WWOX: variants seen among roughly 807,000 people sequenced by gnomAD.
The protein encoded by WWOX is WW domain containing oxidoreductase.
WWOX carries 69 observed loss-of-function variants against 46.2 expected under a neutral mutation model. The observed-to-expected ratio is 1.49, with a 90% CI of 1.23 to 1.82. WWOX has a LOEUF of 1.82. WWOX is among the 40% of genes most tolerant of loss of function. WWOX has a pLI of 0.00. For missense variants in WWOX, 919 were observed against 542.6 expected (o/e 1.69, Z -6.89); for synonymous variants, 359 against 202.6 (o/e 1.77, Z -6.56).
chr16:78,819,366 C>T (rs1415068923), intron 8 of WWOX, among the ~76,000 whole-genome samples: 1 of 152,220 alleles, frequency 6.6e-6, no homozygotes, highest in African/African-American at 2.4e-5. Context: ...TTTCCATGAG[C>T]TGTGTCCGCC....
intron 8 of WWOX, among the ~76,000 whole-genome samples, chr16:79,104,622 T>C (rs1373681179): frequency 6.6e-6 from 1 of 152,190 alleles, no homozygotes; most frequent in Admixed American, 6.5e-5. Context: ...GATGCACATA[T>C]GTATGTCACC....
chr16:79,036,920 G>A (rs1266531490), intron 8 of WWOX, among the ~76,000 whole-genome samples: 1 of 152,184 alleles, frequency 6.6e-6, no homozygotes, highest in Non-Finnish European at 1.5e-5. Flanking sequence ...AAGTGGTTCT[G>A]AAGATACGTA....
intron 8 of WWOX, among the ~76,000 whole-genome samples, chr16:78,974,507 C>T (rs1008272204): frequency 6.6e-6 from 1 of 152,192 alleles, no homozygotes; most frequent in African/African-American, 2.4e-5. Flanking sequence ...TGTGATGAAT[C>T]CGTCTCTGTT....
At chr16:78,230,936 T>C (rs1467320921) in intron 5 of WWOX, among the ~76,000 whole-genome samples, 1 of 152,246 alleles carries the variant, frequency 6.6e-6, no homozygotes, top group Non-Finnish European at 1.5e-5. Context: ...GAAACTCCCA[T>C]GATTGCTTTG....
At chr16:79,054,520 C>A (rs2048226890) in intron 8 of WWOX, among the ~76,000 whole-genome samples, 1 of 152,118 alleles carries the variant, frequency 6.6e-6, no homozygotes, top group Non-Finnish European at 1.5e-5. Flanking sequence ...GAACTAATTA[C>A]AGATTTTAAA....
At chr16:78,656,260 C>G (rs1339185674) in intron 8 of WWOX, among the ~76,000 whole-genome samples, 10 of 152,098 alleles carry the variant, frequency 6.6e-5, no homozygotes, top group Admixed American at 5.9e-4. Flanking sequence ...TAGATCAATG[C>G]TATCTGATGA....
At chr16:78,488,965 G>T (rs886872170) in intron 8 of WWOX, among the ~76,000 whole-genome samples, 1 of 152,078 alleles carries the variant, frequency 6.6e-6, no homozygotes. Flanking sequence ...CTGCCTTGTT[G>T]CCTCCTGCAT....
intron 8 of WWOX, among the ~76,000 whole-genome samples, chr16:78,609,995 A>G (rs745751073): frequency 7.5e-6 from 1 of 133,986 alleles, no homozygotes; most frequent in Non-Finnish European, 1.5e-5. Context: ...ACAGTGACGC[A>G]AACGACCTTT....
intron 8 of WWOX, among the ~76,000 whole-genome samples, chr16:78,811,782 C>G (rs528120465): frequency 1.3e-5 from 2 of 152,280 alleles, no homozygotes; most frequent in East Asian, 3.9e-4. Context: ...TACCATCCCA[C>G]TGATGGTCAG....
intron 5 of WWOX, among the ~76,000 whole-genome samples, chr16:78,279,247 T>G (rs935633381): frequency 1.3e-5 from 2 of 152,130 alleles, no homozygotes; most frequent in African/African-American, 4.8e-5. Flanking sequence ...AAGGGCTATT[T>G]AAGAGTCTTG....
intron 8 of WWOX, among the ~76,000 whole-genome samples, chr16:79,120,482 T>C (rs1399912423): frequency 1.3e-5 from 2 of 152,116 alleles, no homozygotes; most frequent in Admixed American, 6.5e-5. Context: ...ATATCTCACA[T>C]GGTGCCCAGA....
intron 8 of WWOX, among the ~76,000 whole-genome samples, chr16:78,452,642 A>T (rs1329579799): frequency 6.6e-6 from 1 of 151,346 alleles, no homozygotes; most frequent in African/African-American, 2.4e-5. Flanking sequence ...CACCTGGCTA[A>T]TTATTATGTT....
At chr16:78,311,428 C>G (rs1252822870) in intron 5 of WWOX, among the ~76,000 whole-genome samples, 1 of 152,224 alleles carries the variant, frequency 6.6e-6, no homozygotes, top group Non-Finnish European at 1.5e-5. Context: ...GAAAGGTACT[C>G]AAACTGTCAC....
intron 8 of WWOX, among the ~76,000 whole-genome samples, chr16:79,067,345 G>A (rs1342928482): frequency 6.6e-6 from 1 of 152,180 alleles, no homozygotes; most frequent in Non-Finnish European, 1.5e-5. Flanking sequence ...ACATCAAAAT[G>A]GCTGTTGTCT....
intron 8 of WWOX, among the ~76,000 whole-genome samples, chr16:79,099,703 C>A (rs1022783596): frequency 6.6e-6 from 1 of 151,674 alleles, no homozygotes; most frequent in African/African-American, 2.4e-5. Flanking sequence ...GGGTATGGGC[C>A]GAAAATAACA....
Position 78,996,386 on chromosome 16 carries a change from C to CT in WWOX, c.1057-215222_1057-215221insT, listed in dbSNP as rs1377213961. On this transcript the variant is annotated intron_variant, in intron 8 of 8. Coordinates refer to ENST00000566780, the MANE Select transcript of WWOX (RefSeq NM_016373.4). The stretch of plus-strand genomic sequence containing the variant: ...GTGAATTCTGCACCCACCCCCGCCC[C>CT]CCAGCTTCCCCACCTGTAAAATGAT... The CT allele has an allele frequency of 5.5e-5, 45 of 812,126 alleles. No homozygotes were observed. The South Asian group carries it at 1.9e-3, about 35-fold the overall frequency. 50.3% of individuals were successfully genotyped at this position (812,126 alleles called of 1,614,324 possible).
intron 8 of WWOX, among the ~76,000 whole-genome samples, chr16:78,504,860 T>G (rs897750100): frequency 2.6e-5 from 4 of 152,056 alleles, no homozygotes; most frequent in Admixed American, 2.6e-4. Flanking sequence ...TTCTAGAATA[T>G]CTCGAGTTCT....
intron 8 of WWOX, among the ~76,000 whole-genome samples, chr16:78,871,006 C>G (rs1369072823): frequency 6.6e-6 from 1 of 152,170 alleles, no homozygotes; most frequent in Non-Finnish European, 1.5e-5. Context: ...ATAGACTCTG[C>G]TTATGGTTAA....
At chr16:79,044,341 T>C (rs983116609) in intron 8 of WWOX, among the ~76,000 whole-genome samples, 1 of 152,134 alleles carries the variant, frequency 6.6e-6, no homozygotes, top group African/African-American at 2.4e-5. Flanking sequence ...ATCTGCAGCG[T>C]TGGAGGTGGG....
Sources: gnomAD v4.1 joint callset for allele counts (sites outside exome capture counted in the v4.1 genomes callset) on GRCh38, gnomAD v4.1.1 for gene constraint, MANE v1.5 for transcripts, NCBI Gene and HGNC (gene_info 2026-07-23, HGNC 2026-07-21) for gene names.